The following PTPN14 variants were observed in gnomAD, a reference collection of about 807,000 sequenced individuals.
PTPN14 encodes tyrosine-protein phosphatase non-receptor type 14.
A neutral mutation model predicts 126.8 loss-of-function variants in PTPN14; 53 were observed. That is an observed-to-expected ratio of 0.42 (90% CI 0.34 to 0.53). The LOEUF (loss-of-function observed/expected upper bound fraction) is 0.53, where lower values mean the gene tolerates loss of function less well. Among genes scored for constraint, PTPN14 ranks in the 20% least tolerant of loss-of-function variants. The pLI is 0.08. For missense variants in PTPN14, 1,257 were observed against 1,552.9 expected (o/e 0.81, Z 3.20); for synonymous variants, 630 against 599.3 (o/e 1.05, Z -0.75).
At chr1:214,400,553 AAAC>A (rs1422886445) in intron 7 of PTPN14, among the ~76,000 whole-genome samples, 1 of 152,230 alleles carries the variant, frequency 6.6e-6, no homozygotes, top group East Asian at 1.9e-4. Context: ...CCACATTAAA[AAAC>A]AACACAAGCA....
intron 1 of PTPN14, among the ~76,000 whole-genome samples, chr1:214,543,018 T>C (rs1655878584): frequency 6.6e-6 from 1 of 152,192 alleles, no homozygotes; most frequent in Non-Finnish European, 1.5e-5. Flanking sequence ...GTTCCATAAG[T>C]AGAACAGGCT....
At chr1:214,386,416 A>C (rs1245860920) in intron 12 of PTPN14, among the ~76,000 whole-genome samples, 1 of 152,228 alleles carries the variant, frequency 6.6e-6, no homozygotes, top group African/African-American at 2.4e-5. Flanking sequence ...GATGAGAAAA[A>C]CAGCTAAAAG....
At position 214,487,620 on chromosome 1, in the gene PTPN14, C is replaced by T. The variant is rs1169208521; in HGVS notation, c.-154-22663G>A. ...CTGCACTCCAGCCTGGGAGACAGAGCAAGACTCCGTCTCAAAAAAAAAAAA... is the reference window on the plus strand; with the variant it reads ...CTGCACTCCAGCCTGGGAGACAGAGTAAGACTCCGTCTCAAAAAAAAAAAA... On this transcript the variant is annotated intron_variant, in intron 1 of 18. Transcript: ENST00000366956. Among the ~76,000 whole-genome samples the T allele has an allele frequency of 4.2e-5, 4 of 94,766 alleles. No homozygotes were observed. The Admixed American group carries it at 4.5e-4, about 11-fold the overall frequency. 62.2% of individuals were successfully genotyped at this position (94,766 alleles called of 152,430 possible). A position where few individuals can be genotyped will look rare whatever the true frequency, so the allele number is the denominator to read the frequency against.
intron 15 of PTPN14, among the ~76,000 whole-genome samples, chr1:214,374,315 C>A (rs1658290495): frequency 6.6e-6 from 1 of 152,174 alleles, no homozygotes; most frequent in Non-Finnish European, 1.5e-5. Context: ...AAGAAAAATC[C>A]ATTTTCCAAA....
At chr1:214,451,711 ACACACC>A in intron 3 of PTPN14, 88 bp downstream of exon 3, 3 of 1,431,884 alleles carry the variant, frequency 2.1e-6, no homozygotes, top group Non-Finnish European at 2.8e-6. Flanking sequence ...ACCCACACCC[ACACACC>A]CCTAAATCTA....
chr1:214,499,104 G>A (rs536802934), intron 1 of PTPN14, among the ~76,000 whole-genome samples: 18 of 151,920 alleles, frequency 1.2e-4, no homozygotes, highest in Admixed American at 3.3e-4. Context: ...CACACCTGGC[G>A]GCCCACACCC....
intron 1 of PTPN14, among the ~76,000 whole-genome samples, chr1:214,540,081 A>G (rs1009670226): frequency 6.6e-6 from 1 of 152,226 alleles, no homozygotes; most frequent in Non-Finnish European, 1.5e-5. Context: ...ATTCCATAAG[A>G]AATTCCTTAC....
chr1:214,520,065 A>AAAATATATATAT lies in PTPN14; in HGVS notation c.-155+31117_-155+31118insATATATATATTT. On this transcript the variant is annotated intron_variant, in intron 1 of 18. Transcript: ENST00000366956. ...CCTGTCTCAAAAAAAAAAAAAAAAAAATATATATATATATATATGCAGAAT... is the reference window on the plus strand; with the variant it reads ...CCTGTCTCAAAAAAAAAAAAAAAAAAAAATATATATATATATATATATATATATATGCAGAAT... Among the ~76,000 whole-genome samples, 51 of 71,104 alleles carry AAAATATATATAT rather than the reference A, an allele frequency of 7.2e-4. 1 individual carries two copies. The highest frequency in any genetic ancestry group is 3.4e-3 in the African/African-American group (47 of 13,688). 46.6% of individuals were successfully genotyped at this position (71,104 alleles called of 152,430 possible).
chr1:214,466,381 AC>A (rs1383830944), intron 1 of PTPN14, among the ~76,000 whole-genome samples: 1 of 152,078 alleles, frequency 6.6e-6, no homozygotes, highest in Non-Finnish European at 1.5e-5. Context: ...GAACCACCCT[AC>A]CATCATCTTG....
intron 5 of PTPN14, among the ~76,000 whole-genome samples, chr1:214,403,587 G>C (rs1659089826): frequency 6.6e-6 from 1 of 152,168 alleles, no homozygotes; most frequent in Non-Finnish European, 1.5e-5. Flanking sequence ...ACTACTATGG[G>C]CTCAGAAGAA....
intron 2 of PTPN14, 67 bp downstream of exon 2, chr1:214,464,563 T>C: frequency 6.4e-7 from 1 of 1,562,940 alleles, no homozygotes; most frequent in African/African-American, 1.4e-5. Context: ...GTCCCTTCGG[T>C]GAGTTCTCCT....
intron 5 of PTPN14, among the ~76,000 whole-genome samples, chr1:214,405,900 T>C (rs781599549): frequency 3.9e-5 from 6 of 152,136 alleles, no homozygotes; most frequent in African/African-American, 7.2e-5. Flanking sequence ...CCCAAAGTCA[T>C]ATAGCCAATA....
In PTPN14 at chr1:214,351,303, A is replaced by G. The variant is rs1000263741; in HGVS notation, c.*6619T>C. On this transcript the variant is annotated 3_prime_UTR_variant, in exon 19 of 19. Coordinates refer to ENST00000366956, the MANE Select transcript of PTPN14 (RefSeq NM_005401.5). ...GATCTCAAAAACTAAAAAAAAAAAA[A>G]AAAAGAAAAAGAAAAAAAAAAAGGC... is the stretch of plus-strand genomic sequence containing the variant. 9 of 149,806 alleles carry G rather than the reference A, an allele frequency of 6.0e-5. No homozygotes were observed. Among genetic ancestry groups the G allele is most frequent in the Non-Finnish European group, 1.0e-4 (7 of 68,034 alleles). The allele number at this position is 149,806 out of a possible 1,614,324, so 9.3% of individuals were successfully genotyped here. A position where few individuals can be genotyped will look rare whatever the true frequency, so the allele number is the denominator to read the frequency against.
chr1:214,550,561 C>T (rs934917877), intron 1 of PTPN14, among the ~76,000 whole-genome samples: 4 of 152,214 alleles, frequency 2.6e-5, no homozygotes, highest in Admixed American at 1.3e-4. Flanking sequence ...GCTGTTAATA[C>T]CTACAACTTT....
At chr1:214,493,659 T>C (rs1328483057) in intron 1 of PTPN14, among the ~76,000 whole-genome samples, 2 of 152,202 alleles carry the variant, frequency 1.3e-5, no homozygotes, top group Admixed American at 6.5e-5. Flanking sequence ...ATAACTGTAA[T>C]CTATTCAGAG....
At chr1:214,484,052 G>C (rs1661059731) in intron 1 of PTPN14, among the ~76,000 whole-genome samples, 1 of 152,200 alleles carries the variant, frequency 6.6e-6, no homozygotes, top group Non-Finnish European at 1.5e-5. Context: ...AATGGGTCTA[G>C]AAAATATAGG....
At chr1:214,392,045 G>A (rs1046288314) in intron 10 of PTPN14, among the ~76,000 whole-genome samples, 5 of 152,218 alleles carry the variant, frequency 3.3e-5, no homozygotes, top group African/African-American at 4.8e-5. Flanking sequence ...AGAGAGTATC[G>A]CCCTCTGGAG....
At chr1:214,525,415 T>G (rs1655364685) in intron 1 of PTPN14, among the ~76,000 whole-genome samples, 1 of 152,198 alleles carries the variant, frequency 6.6e-6, no homozygotes, top group Admixed American at 6.5e-5. Context: ...TAGTCCCATT[T>G]CTCATGGGAA....
In PTPN14 at chr1:214,354,133, T is replaced by G. The variant is rs918178021; in HGVS notation, c.*3789A>C. On this transcript the variant is annotated 3_prime_UTR_variant, in exon 19 of 19. Transcript: ENST00000366956. ...CACCCTCAGCAGTCTACAAAGACCC[T>G]CTCTTCAGGCTGATGAAAGAGGGGG... 6.6e-6 allele frequency: 1 copy of G among 152,184 alleles called. No homozygotes were observed. Among genetic ancestry groups the G allele is most frequent in the Non-Finnish European group, 1.5e-5 (1 of 68,022 alleles). 9.4% of individuals were successfully genotyped at this position (152,184 alleles called of 1,614,324 possible). A position where few individuals can be genotyped will look rare whatever the true frequency, so the allele number is the denominator to read the frequency against.
Sources: allele counts gnomAD v4.1 joint callset (sites outside exome capture counted in the v4.1 genomes callset), GRCh38; gene constraint gnomAD v4.1.1; transcripts MANE v1.5; gene names NCBI Gene and HGNC (gene_info 2026-07-23, HGNC 2026-07-21).